CDK8: variants seen among roughly 807,000 people sequenced by gnomAD.
CDK8 encodes cyclin-dependent kinase 8.
In CDK8, 29 loss-of-function variants were observed where a neutral mutation model predicts 71.5. That is an observed-to-expected ratio of 0.41 (90% CI 0.30 to 0.55). CDK8 has a LOEUF of 0.55. Ranked by LOEUF, CDK8 falls within the 20% of genes least tolerant of loss-of-function variation. CDK8 has a pLI of 0.37. For synonymous variants in CDK8, 161 were observed against 192.1 expected, an observed-to-expected ratio of 0.84 and a Z score of 1.34; for missense variants, 288 against 572.6, an observed-to-expected ratio of 0.50 and a Z score of 5.07.
intron 1 of CDK8, among the ~76,000 whole-genome samples, chr13:26,278,430 A>G (rs1288146365): frequency 3.3e-5 from 5 of 152,284 alleles, no homozygotes; most frequent in Middle Eastern, 3.4e-3. Context: ...TAATCCTCCG[A>G]CCACCGTTTC....
At chr13:26,339,190 C>T (rs1873118220) in intron 2 of CDK8, among the ~76,000 whole-genome samples, 1 of 151,964 alleles carries the variant, frequency 6.6e-6, no homozygotes, top group South Asian at 2.1e-4. Flanking sequence ...CTGAAGAAAT[C>T]TGTACCCACT....
chr13:26,291,769 G>A (rs190630662), intron 1 of CDK8, among the ~76,000 whole-genome samples: 430 of 152,250 alleles, frequency 2.8e-3, no homozygotes, highest in African/African-American at 0.01. Flanking sequence ...TCACGTATAT[G>A]CAAACTTTCT....
chr13:26,343,494 CTT>C (rs1259999640), intron 2 of CDK8, among the ~76,000 whole-genome samples: 1 of 152,108 alleles, frequency 6.6e-6, no homozygotes, highest in Non-Finnish European at 1.5e-5. Context: ...CTTGCTTTCC[CTT>C]TTGTCTATGG....
At chr13:26,288,175 G>A (rs1873114088) in intron 1 of CDK8, among the ~76,000 whole-genome samples, 1 of 152,068 alleles carries the variant, frequency 6.6e-6, no homozygotes, top group African/African-American at 2.4e-5. Context: ...TGCTGGCCAG[G>A]CTGATCTTGA....
At position 26,397,175 on chromosome 13, in the gene CDK8, A is replaced by C. The variant is rs1251147844; in HGVS notation, c.883A>C (p.Lys295Gln). ...RNTYTNCSLI[K>Q]YMEKHKVKPD... The stretch of plus-strand genomic sequence containing the variant: ...CAGGTATACCAACTGCAGCCTTATC[A>C]AGTATATGGAAAAACATAAAGTTAA... Residue 295 changes from lysine (K) to glutamine (Q), a missense_variant, in exon 9 of 13, where the codon AAG becomes CAG. Transcript: ENST00000381527. 1 of 1,593,004 alleles carries C rather than the reference A, an allele frequency of 6.3e-7. No individual in the cohort carries two copies. The highest frequency in any genetic ancestry group is 8.6e-7 in the Non-Finnish European group (1 of 1,162,780).
In CDK8 at chr13:26,401,465, G is replaced by A. The variant is rs776075180; in HGVS notation, c.1111-1G>A. 1 of 1,614,042 alleles carries A rather than the reference G, an allele frequency of 6.2e-7. No individual in the cohort carries two copies. The highest frequency in any genetic ancestry group is 1.1e-5 in the South Asian group (1 of 91,056). On this transcript the variant is annotated splice_acceptor_variant, in intron 11 of 12. Transcript: ENST00000381527. LOFTEE classifies it high-confidence loss of function. This position sits in a 1 kb window ranked among gnomAD's most constrained non-coding sequence, Gnocchi z 4.5. ...GAACTTTTTCTGTTTAACCAATTGA[G>A]AAGAACCAGCAGCAGCAGCAGGGCA...
chr13:26,395,345 TGGGATTACATGCCTGTAATC>T (rs1875936266), intron 7 of CDK8, among the ~76,000 whole-genome samples: 2 of 151,700 alleles, frequency 1.3e-5, no homozygotes, highest in Admixed American at 1.3e-4. Context: ...ATTACAGGCA[TGGGATTACATGCCTGTAATC>T]CCAGCTACTC....
At chr13:26,285,129 C>T (rs1593238754) in intron 1 of CDK8, among the ~76,000 whole-genome samples, 4 of 152,158 alleles carry the variant, frequency 2.6e-5, no homozygotes, top group African/African-American at 4.8e-5. Context: ...ATTCCAGCTA[C>T]TCAGGAGGCT....
intron 4 of CDK8, among the ~76,000 whole-genome samples, chr13:26,375,785 C>G (rs1874917883): frequency 6.6e-6 from 1 of 152,164 alleles, no homozygotes; most frequent in East Asian, 1.9e-4. Context: ...ATAGGAGATA[C>G]TATTACATTT....
At chr13:26,313,991 G>C (rs551055526) in intron 1 of CDK8, among the ~76,000 whole-genome samples, 1 of 152,320 alleles carries the variant, frequency 6.6e-6, no homozygotes, top group East Asian at 1.9e-4. Flanking sequence ...TGACTGGATT[G>C]AGGGGATAGG....
chr13:26,333,382 T>G (rs1464645892), intron 1 of CDK8, among the ~76,000 whole-genome samples: 2 of 152,144 alleles, frequency 1.3e-5, no homozygotes, highest in Non-Finnish European at 2.9e-5. Flanking sequence ...TCAGGTGATC[T>G]GCCTGCCTTG....
At chr13:26,398,742 G>C (rs910254166) in intron 9 of CDK8, among the ~76,000 whole-genome samples, 1 of 152,106 alleles carries the variant, frequency 6.6e-6, no homozygotes, top group African/African-American at 2.4e-5. Flanking sequence ...GGGAGGCCGA[G>C]GCGGGCGGAT....
chr13:26,292,563 A>G lies in CDK8; in HGVS notation c.128+37794A>G, dbSNP rs185393819. On this transcript the variant is annotated intron_variant, in intron 1 of 12. Coordinates refer to ENST00000381527, the MANE Select transcript of CDK8 (RefSeq NM_001260.3). ...ACTTTTTCTCATATCTGATTGGTCA[A>G]GTTTGCCATATAGCTAAGCCCATTA... Among the ~76,000 whole-genome samples the G allele has an allele frequency of 2.0e-5, 3 of 152,310 alleles. No homozygotes were observed. In the East Asian group the frequency reaches 5.8e-4, roughly 29 times the overall value.
chr13:26,280,233 TTAAA>T (rs1449472275), intron 1 of CDK8, among the ~76,000 whole-genome samples: 11 of 152,260 alleles, frequency 7.2e-5, no homozygotes, highest in Admixed American at 1.3e-4. Context: ...GCTAAGAAAC[TTAAA>T]TAAACTTTCA....
At chr13:26,377,840 G>A (rs915565759) in intron 4 of CDK8, among the ~76,000 whole-genome samples, 4 of 152,156 alleles carry the variant, frequency 2.6e-5, no homozygotes, top group Non-Finnish European at 4.4e-5. Context: ...CTTTTGAAAT[G>A]TGAGATATGT....
In CDK8 at chr13:26,300,176, C is replaced by T. The variant is rs117999829; in HGVS notation, c.129-37391C>T. Among the ~76,000 whole-genome samples the T allele has an allele frequency of 9.3e-4, 141 of 152,222 alleles. 1 individual carries two copies. The East Asian group carries it at 0.025, about 27-fold the overall frequency. Reference sequence around the variant, plus strand: ...TTAGGATAAATCATGCACTAGGTAACGCGGTAGTCCCTCTCTGTCCCCAGG... The same window carrying T: ...TTAGGATAAATCATGCACTAGGTAATGCGGTAGTCCCTCTCTGTCCCCAGG... On this transcript the variant is annotated intron_variant, in intron 1 of 12. Coordinates refer to ENST00000381527, the MANE Select transcript of CDK8 (RefSeq NM_001260.3).
At chr13:26,270,035 G>A (rs1360450762) in intron 1 of CDK8, among the ~76,000 whole-genome samples, 1 of 151,966 alleles carries the variant, frequency 6.6e-6, no homozygotes, top group African/African-American at 2.4e-5. Flanking sequence ...GGTTCATAAA[G>A]TTTTTCTTAA....
At position 26,254,327 on chromosome 13, in the gene CDK8, C is replaced by T. The variant is rs1260791388; in HGVS notation, c.-315C>T. ...CGGCCGGAGAGAGCGGCGGAGCCGG[C>T]GCCCAGGGAGCCCGCGGGGACAAGG... On this transcript the variant is annotated 5_prime_UTR_variant, in exon 1 of 13. Coordinates refer to ENST00000381527, the MANE Select transcript of CDK8 (RefSeq NM_001260.3). This position sits in a 1 kb window ranked among gnomAD's most constrained non-coding sequence, Gnocchi z 6.7. The T allele has an allele frequency of 7.3e-6, 2 of 274,528 alleles. No homozygotes were observed. Among genetic ancestry groups the T allele is most frequent in the East Asian group, 5.9e-5 (1 of 16,938 alleles). 17.0% of individuals were successfully genotyped at this position (274,528 alleles called of 1,614,324 possible).
intron 4 of CDK8, among the ~76,000 whole-genome samples, chr13:26,373,305 AG>A (rs1874778805): frequency 6.6e-6 from 1 of 152,106 alleles, no homozygotes; most frequent in Admixed American, 6.6e-5. Context: ...TGATAGATAC[AG>A]TGTCTGTTTT....
Sources: gnomAD v4.1 joint callset for allele counts (sites outside exome capture counted in the v4.1 genomes callset) on GRCh38, gnomAD v4.1.1 for gene constraint, Gnocchi (gnomAD v3.1) non-coding constraint, MANE v1.5 for transcripts, NCBI Gene and HGNC (gene_info 2026-07-23, HGNC 2026-07-21) for gene names.